Variants in ADGRV1 observed in about 807,000 individuals in gnomAD.
The protein encoded by ADGRV1 is G-protein coupled receptor 98.
In ADGRV1, 359 loss-of-function variants were observed where a neutral mutation model predicts 596.2. The ratio of observed to expected loss-of-function variants is 0.60; its 90% CI spans 0.55 to 0.66. The LOEUF is 0.66. Ranked by LOEUF, ADGRV1 falls within the 30% of genes least tolerant of loss-of-function variation. ADGRV1 has a pLI of 0.00. For missense variants in ADGRV1, 7,274 were observed against 7,575.6 expected (o/e 0.96, Z 1.48); for synonymous variants, 2,681 against 2,679.2 (o/e 1.00, Z -0.02).
intron 74 of ADGRV1, among the ~76,000 whole-genome samples, chr5:90,813,623 C>G (rs1762650849): frequency 6.6e-6 from 1 of 152,188 alleles, no homozygotes; most frequent in Non-Finnish European, 1.5e-5. Context: ...CGATACCCTA[C>G]CATAGCTACC....
chr5:90,867,889 T>C (rs1768279984), intron 83 of ADGRV1, among the ~76,000 whole-genome samples: 1 of 152,216 alleles, frequency 6.6e-6, no homozygotes, highest in South Asian at 2.1e-4. Flanking sequence ...TTCTACTTTT[T>C]TGCTGAATAA....
At chr5:90,675,148 G>C (rs987445699) in intron 23 of ADGRV1, 95 bp from the exon 24 acceptor site, 31 of 1,035,712 alleles carry the variant, frequency 3.0e-5, no homozygotes, top group Non-Finnish European at 4.2e-5. Context: ...ATTTTGGCCT[G>C]GTGATCAAAA....
intron 85 of ADGRV1, among the ~76,000 whole-genome samples, chr5:91,046,692 T>A (rs1785847466): frequency 6.6e-6 from 1 of 152,216 alleles, no homozygotes; most frequent in African/African-American, 2.4e-5. Flanking sequence ...AAAGAGCTTT[T>A]GCATGGCAGA....
chr5:90,719,651 G>A (rs552978568), intron 43 of ADGRV1, among the ~76,000 whole-genome samples: 1 of 152,184 alleles, frequency 6.6e-6, no homozygotes, highest in African/African-American at 2.4e-5. Flanking sequence ...ACTGATGAAC[G>A]TTCGGATGTT....
At chr5:90,662,909 G>A (rs10942599) in intron 21 of ADGRV1, among the ~76,000 whole-genome samples, 82,226 of 150,312 alleles carry the variant, frequency 0.55, 23,135 homozygotes, top group East Asian at 0.8. Flanking sequence ...ATGATTTCCA[G>A]TTTCATCCAT....
At chr5:90,739,608 G>T (rs903301545) in intron 50 of ADGRV1, among the ~76,000 whole-genome samples, 1 of 152,224 alleles carries the variant, frequency 6.6e-6, no homozygotes, top group Non-Finnish European at 1.5e-5. Context: ...TGACATCTCT[G>T]GTTGGGGTCT....
At chr5:91,157,932 A>C (rs1562293380) in intron 89 of ADGRV1, among the ~76,000 whole-genome samples, 1 of 152,190 alleles carries the variant, frequency 6.6e-6, no homozygotes. Context: ...CTGCAGAGGC[A>C]CTGACCTGGA....
At chr5:91,047,362 A>G (rs1785923250) in intron 85 of ADGRV1, among the ~76,000 whole-genome samples, 1 of 152,210 alleles carries the variant, frequency 6.6e-6, no homozygotes, top group South Asian at 2.1e-4. Context: ...ATTAACTCAC[A>G]TGTTCACAAG....
At chr5:90,743,993 T>C (rs1191354942) in intron 50 of ADGRV1, among the ~76,000 whole-genome samples, 1 of 151,932 alleles carries the variant, frequency 6.6e-6, no homozygotes, top group Non-Finnish European at 1.5e-5. Context: ...TTAACTGATA[T>C]ATATATATAC....
At position 90,802,830 on chromosome 5, in the gene ADGRV1, A is replaced by G. The variant is rs1037515698; in HGVS notation, c.14609A>G (p.Gln4870Arg). 1.9e-6 allele frequency: 3 copies of G among 1,611,548 alleles called. No homozygotes were observed. Among genetic ancestry groups the G allele is most frequent in the Non-Finnish European group, 2.5e-6 (3 of 1,178,960 alleles). ...TTCTATGGAATGCCAACAATTCTTC[A>G]GGAAGCAAAATCTGCTGTCCTTCCA... ...GRFYGMPTIL[Q>R]EAKSAVLPVS... The change falls in exon 71 of 90, where the codon CAG becomes CGG. Residue 4870 changes from glutamine (Q) to arginine (R), a missense_variant. Around this residue, in one of 5 missense-constraint regions of ADGRV1, gnomAD observed 1,874 missense variants for 1,970.2 expected, o/e 0.95. Transcript: ENST00000405460.
At chr5:91,043,891 C>G (rs1055717136) in intron 85 of ADGRV1, among the ~76,000 whole-genome samples, 2 of 151,520 alleles carry the variant, frequency 1.3e-5, no homozygotes, top group Admixed American at 1.3e-4. Flanking sequence ...TTTTTTAAAA[C>G]CTTGACCACC....
chr5:91,135,686 C>T (rs1794570951), intron 87 of ADGRV1, among the ~76,000 whole-genome samples: 1 of 152,180 alleles, frequency 6.6e-6, no homozygotes, highest in Non-Finnish European at 1.5e-5. Flanking sequence ...CACTCATCTA[C>T]CCAACAACTA....
intron 83 of ADGRV1, among the ~76,000 whole-genome samples, chr5:90,910,140 T>G (rs114681360): frequency 0.018 from 2,678 of 152,328 alleles, 70 homozygotes; most frequent in African/African-American, 0.06. Flanking sequence ...AAATAACATT[T>G]GTAAAGTGGT....
intron 84 of ADGRV1, among the ~76,000 whole-genome samples, chr5:90,982,360 A>G (rs1292477764): frequency 6.6e-6 from 1 of 152,160 alleles, no homozygotes; most frequent in African/African-American, 2.4e-5. Flanking sequence ...GTGAGGACAT[A>G]TTGTATAGTC....
intron 86 of ADGRV1, among the ~76,000 whole-genome samples, chr5:91,082,172 A>G (rs56137437): frequency 0.18 from 27,023 of 152,228 alleles, 3,478 homozygotes; most frequent in African/African-American, 0.37. Context: ...TCTTATTGAC[A>G]TGTGCATATC....
chr5:90,686,921 A>T (rs1745737012), intron 29 of ADGRV1, among the ~76,000 whole-genome samples: 1 of 152,212 alleles, frequency 6.6e-6, no homozygotes, highest in South Asian at 2.1e-4. Context: ...CTGGTGTGAG[A>T]TGGTATCTCA....
At chr5:90,668,705 T>G (rs996086986) in intron 21 of ADGRV1, among the ~76,000 whole-genome samples, 1 of 152,212 alleles carries the variant, frequency 6.6e-6, no homozygotes, top group African/African-American at 2.4e-5. Context: ...TTTACTTTAT[T>G]GTACAAAATA....
At chr5:90,697,482 T>C (rs1365629612) in intron 34 of ADGRV1, among the ~76,000 whole-genome samples, 7 of 147,600 alleles carry the variant, frequency 4.7e-5, no homozygotes, top group Non-Finnish European at 1.5e-5. Flanking sequence ...CTAATAAAGG[T>C]AAAGTGCTTA....
chr5:91,092,559 G>A (rs1395774759), intron 86 of ADGRV1: 1 of 152,088 alleles, frequency 6.6e-6, no homozygotes, highest in East Asian at 1.9e-4. Context: ...AAACAAATAT[G>A]GGAGATTCTG....
Sources: gnomAD v4.1 joint callset for allele counts (sites outside exome capture counted in the v4.1 genomes callset) on GRCh38, gnomAD v4.1.1 for gene constraint, gnomAD v4.1.1 regional missense constraint, MANE v1.5 for transcripts, NCBI Gene and HGNC (gene_info 2026-07-23, HGNC 2026-07-21) for gene names.